The following ANKS1B variants were observed in gnomAD, a reference collection of about 807,000 sequenced individuals.
ANKS1B encodes the protein ankyrin repeat and sterile alpha motif domain-containing protein 1B.
A neutral mutation model predicts 148.3 loss-of-function variants in ANKS1B; 36 were observed. The observed-to-expected ratio is 0.24, with a 90% CI of 0.19 to 0.32. The LOEUF (loss-of-function observed/expected upper bound fraction) is 0.32. ANKS1B is among the 10% of genes least tolerant of loss of function. ANKS1B has a pLI of 1.00. For synonymous variants in ANKS1B, 542 were observed against 560.8 expected, an observed-to-expected ratio of 0.97 and a Z score of 0.47; for missense variants, 1,157 against 1,542.6, an observed-to-expected ratio of 0.75 and a Z score of 4.19.
At chr12:98,921,928 G>T (rs2099801935) in intron 17 of ANKS1B, among the ~76,000 whole-genome samples, 1 of 152,046 alleles carries the variant, frequency 6.6e-6, no homozygotes, top group African/African-American at 2.4e-5. Context: ...GATCATAAAA[G>T]AAAAAAAGTC....
intron 12 of ANKS1B, among the ~76,000 whole-genome samples, chr12:99,364,963 C>A (rs551453092): frequency 2.0e-5 from 3 of 152,258 alleles, no homozygotes; most frequent in South Asian, 4.1e-4. Flanking sequence ...GGTCCCCCCA[C>A]CCCAAAGAAC....
rs575351468 is a variant in ANKS1B at position 99,971,385 on chromosome 12, T to TC, written c.134+12718dup. ...ACATCCCTGCAGAATTCTTGCTGCT[T>TC]CCCCCAAACACACTCCCACTCACTG... On this transcript the variant is annotated intron_variant, in intron 1 of 26. Transcript: ENST00000683438. Among the ~76,000 whole-genome samples, 4 of 152,096 alleles carry TC rather than the reference T, an allele frequency of 2.6e-5. No homozygotes were observed. The South Asian group carries it at 6.2e-4, about 24-fold the overall frequency.
At chr12:98,779,328 G>C (rs1215496397) in intron 24 of ANKS1B, among the ~76,000 whole-genome samples, 1 of 152,172 alleles carries the variant, frequency 6.6e-6, no homozygotes. Flanking sequence ...GGAACCGGCA[G>C]AGCTCTCTTT....
At chr12:99,735,561 G>T (rs2059535812) in intron 8 of ANKS1B, among the ~76,000 whole-genome samples, 1 of 151,952 alleles carries the variant, frequency 6.6e-6, no homozygotes, top group South Asian at 2.1e-4. Flanking sequence ...GAATAAATCA[G>T]GAAGATACAG....
intron 14 of ANKS1B, among the ~76,000 whole-genome samples, chr12:99,194,546 A>AAACAAAAAAGAAATGG (rs2081155498): frequency 6.6e-6 from 1 of 152,168 alleles, no homozygotes; most frequent in African/African-American, 2.4e-5. Context: ...TTGAGGAATG[A>AAACAAAAAAGAAATGG]AACAAAAAAG....
chr12:99,747,094 T>G (rs2060667293), intron 8 of ANKS1B, among the ~76,000 whole-genome samples: 1 of 150,778 alleles, frequency 6.6e-6, no homozygotes. Context: ...CTGAACCCCT[T>G]TCTCCTCCTT....
intron 8 of ANKS1B, among the ~76,000 whole-genome samples, chr12:99,676,608 T>C (rs562949076): frequency 6.6e-6 from 1 of 152,256 alleles, no homozygotes; most frequent in Non-Finnish European, 1.5e-5. Flanking sequence ...TTTCATGACA[T>C]GTATTAAAAT....
intron 24 of ANKS1B, among the ~76,000 whole-genome samples, chr12:98,775,619 A>T (rs1180525847): frequency 6.8e-6 from 1 of 146,292 alleles, no homozygotes; most frequent in Non-Finnish European, 1.5e-5. Flanking sequence ...TATTTTCTGT[A>T]TTTTTTTTTT....
rs565665664 is a variant in ANKS1B, at chr12:98,967,041, T to TA, written c.2778+86115dup. ...TACCCTAGAACTTAAAGTATAAGAA[T>TA]AAAAAAAAATGTAGTCAATTGTGGT... On this transcript the variant is annotated intron_variant, in intron 17 of 26. Transcript: ENST00000683438. Among the ~76,000 whole-genome samples the TA allele has an allele frequency of 3.0e-3, 446 of 151,000 alleles. 1 individual carries two copies. The highest frequency in any genetic ancestry group is 0.01 in the African/African-American group (414 of 41,174).
At chr12:99,958,047 G>A (rs2095349586) in intron 1 of ANKS1B, among the ~76,000 whole-genome samples, 1 of 152,160 alleles carries the variant, frequency 6.6e-6, no homozygotes, top group Admixed American at 6.5e-5. Context: ...CATGTACAAG[G>A]TGCCAGGGAA....
chr12:98,832,250 G>T, intron 17 of ANKS1B, 114 bp from the exon 18 acceptor site: 1 of 786,686 alleles, frequency 1.3e-6, no homozygotes, highest in Non-Finnish European at 2.0e-6. Flanking sequence ...TGCACCATGA[G>T]ATGTGGTGTC....
chr12:99,271,662 C>CTATATATATA (rs59207203), intron 12 of ANKS1B, among the ~76,000 whole-genome samples: 1,741 of 94,118 alleles, frequency 0.018, 114 homozygotes, highest in African/African-American at 0.061. Flanking sequence ...AGTCAATAAA[C>CTATATATATA]TATATATATA....
rs78446864 is a variant in ANKS1B at position 98,871,257 on chromosome 12, C to T, written c.2779-39121G>A. 7.7e-4 allele frequency among the ~76,000 whole-genome samples: 118 copies of T among 152,262 alleles called. 4 individuals carry two copies. The East Asian group carries it at 0.022, about 29-fold the overall frequency. ...TACTTTCTGCTCACATAAATACTAT[C>T]ATCCATAATTTTCTCTCTTCCCTCA... is the stretch of plus-strand genomic sequence containing the variant. On this transcript the variant is annotated intron_variant, in intron 17 of 26. Coordinates refer to ENST00000683438, the MANE Select transcript of ANKS1B (RefSeq NM_001352186.2).
chr12:99,369,405 T>A (rs2092957519), intron 12 of ANKS1B, among the ~76,000 whole-genome samples: 1 of 152,090 alleles, frequency 6.6e-6, no homozygotes, highest in African/African-American at 2.4e-5. Flanking sequence ...CAAAAATAAA[T>A]GTTGGTGGAC....
intron 8 of ANKS1B, among the ~76,000 whole-genome samples, chr12:99,699,682 G>T (rs2054508331): frequency 6.6e-6 from 1 of 152,152 alleles, no homozygotes; most frequent in South Asian, 2.1e-4. Context: ...ACTTGCTCAA[G>T]ATTTTATACT....
At chr12:99,633,136 A>G (rs893330031) in intron 9 of ANKS1B, among the ~76,000 whole-genome samples, 2 of 151,588 alleles carry the variant, frequency 1.3e-5, no homozygotes, top group Non-Finnish European at 2.9e-5. Flanking sequence ...TATGTGCCAC[A>G]TTTTCTTAAT....
intron 12 of ANKS1B, among the ~76,000 whole-genome samples, chr12:99,252,994 C>T (rs1447805144): frequency 9.9e-5 from 15 of 152,108 alleles, no homozygotes; most frequent in East Asian, 1.9e-4. Context: ...GAGGCCAAGG[C>T]GAGAGGATCA....
At chr12:99,460,302 C>A (rs146549858) in intron 10 of ANKS1B, among the ~76,000 whole-genome samples, 3 of 152,144 alleles carry the variant, frequency 2.0e-5, no homozygotes, top group African/African-American at 7.2e-5. Flanking sequence ...GACCTGAAAC[C>A]ATAACAATTC....
intron 9 of ANKS1B, among the ~76,000 whole-genome samples, chr12:99,649,018 C>CTTCATTTTATACCCACAGCTG (rs1466393559): frequency 6.6e-6 from 1 of 150,956 alleles, no homozygotes; most frequent in African/African-American, 2.5e-5. Flanking sequence ...GTCAGCAACT[C>CTTCATTTTATACCCACAGCTG]TTCATTTTAT....
Sources: allele counts gnomAD v4.1 joint callset (sites outside exome capture counted in the v4.1 genomes callset), GRCh38; gene constraint gnomAD v4.1.1; transcripts MANE v1.5; gene names NCBI Gene and HGNC (gene_info 2026-07-23, HGNC 2026-07-21).